The following PTPRR variants were observed in gnomAD, a reference collection of about 807,000 sequenced individuals.
PTPRR encodes the protein protein tyrosine phosphatase receptor type R.
Under a neutral mutation model 77.2 loss-of-function variants are expected in PTPRR, and 38 were observed. The observed-to-expected ratio is 0.49, with a 90% CI of 0.38 to 0.65. PTPRR has a LOEUF of 0.65. Among genes scored for constraint, PTPRR ranks in the 30% least tolerant of loss-of-function variants. PTPRR has a pLI of 0.00. For missense variants in PTPRR, 744 were observed against 799.2 expected (o/e 0.93, Z 0.83); for synonymous variants, 299 against 283.1 (o/e 1.06, Z -0.57).
chr12:70,678,191 C>A (rs1297060774), intron 10 of PTPRR, among the ~76,000 whole-genome samples: 1 of 152,164 alleles, frequency 6.6e-6, no homozygotes, highest in African/African-American at 2.4e-5. Context: ...TAGGCACGCA[C>A]CACCAAGCCC....
At chr12:70,712,404 G>T (rs1382694671) in intron 6 of PTPRR, among the ~76,000 whole-genome samples, 1 of 151,278 alleles carries the variant, frequency 6.6e-6, no homozygotes, top group Admixed American at 6.6e-5. Flanking sequence ...TAAGTAACTG[G>T]GATTTGTTGA....
At chr12:70,643,065 G>T (rs1049031918) in intron 13 of PTPRR, among the ~76,000 whole-genome samples, 4 of 152,188 alleles carry the variant, frequency 2.6e-5, no homozygotes, top group Non-Finnish European at 5.9e-5. Flanking sequence ...AACTACACAG[G>T]AGGTTGAGGC....
intron 2 of PTPRR, among the ~76,000 whole-genome samples, chr12:70,883,488 C>T (rs994524680): frequency 5.9e-5 from 9 of 152,126 alleles, no homozygotes; most frequent in Non-Finnish European, 1.0e-4. Context: ...AGGACCTTGG[C>T]TTATTTTGAT....
At chr12:70,906,459 G>C (rs756109895) in intron 1 of PTPRR, among the ~76,000 whole-genome samples, 52 of 152,000 alleles carry the variant, frequency 3.4e-4, no homozygotes, top group Admixed American at 3.3e-3. Context: ...CTATTATTTA[G>C]TTGTTCTATC....
intron 6 of PTPRR, among the ~76,000 whole-genome samples, chr12:70,713,396 C>T (rs1458964608): frequency 6.6e-6 from 1 of 152,066 alleles, no homozygotes; most frequent in Non-Finnish European, 1.5e-5. Flanking sequence ...GTTTTCATTT[C>T]TTTTGGGTAT....
At position 70,762,810 on chromosome 12, in the gene PTPRR, A is replaced by G. The variant is rs74830053; in HGVS notation, c.472-1184T>C. Among the ~76,000 whole-genome samples, 917 of 152,322 alleles carry G rather than the reference A, an allele frequency of 6.0e-3. 12 individuals are homozygous for G. Among genetic ancestry groups the G allele is most frequent in the African/African-American group, 0.021 (867 of 41,586 alleles). On this transcript the variant is annotated intron_variant, in intron 3 of 13. Transcript: ENST00000283228. ...TGAAGTATGGTTTTGTCTGTCTCCA[A>G]AACACATGATGCTAATCAACATGCT... is the stretch of plus-strand genomic sequence containing the variant.
At chr12:70,762,141 G>A (rs11833635) in intron 3 of PTPRR, among the ~76,000 whole-genome samples, 33,360 of 151,996 alleles carry the variant, frequency 0.22, 3,863 homozygotes, top group African/African-American at 0.29. Context: ...TGTTCTTCAC[G>A]TCAAATATGT....
At chr12:70,784,709 A>C (rs988244046) in intron 2 of PTPRR, among the ~76,000 whole-genome samples, 3 of 152,256 alleles carry the variant, frequency 2.0e-5, no homozygotes, top group Admixed American at 2.0e-4. Flanking sequence ...AGGCTTAAAG[A>C]TACGTGTTTA....
chr12:70,762,466 G>C (rs755773562), intron 3 of PTPRR, among the ~76,000 whole-genome samples: 6 of 152,120 alleles, frequency 3.9e-5, no homozygotes, highest in Non-Finnish European at 7.4e-5. Context: ...CAGAATTTTA[G>C]CTGGTATAAA....
chr12:70,640,313 C>T (rs1885950044), intron 13 of PTPRR, among the ~76,000 whole-genome samples: 1 of 151,982 alleles, frequency 6.6e-6, no homozygotes, highest in South Asian at 2.1e-4. Flanking sequence ...GCTGGGACCA[C>T]AGGCACCACC....
chr12:70,746,069 T>C lies in PTPRR; in HGVS notation c.756A>G (p.Lys252=). ...VTCLMILYRL[K]ERFQLSLRQD... The stretch of plus-strand genomic sequence containing the variant: ...GTCTTAAGGAAAGCTGAAATCTTTC[T>C]TTTAATCTGTAAAGAATCTATAGAA... Residue 252 remains lysine, a synonymous_variant, in exon 6 of 14, where the codon AAA becomes AAG. Transcript: ENST00000283228. The C allele has an allele frequency of 6.2e-7, 1 of 1,612,036 alleles. No homozygotes were observed. The highest frequency in any genetic ancestry group is 8.5e-7 in the Non-Finnish European group (1 of 1,178,494).
chr12:70,684,131 T>C lies in PTPRR; in HGVS notation c.1493A>G (p.Asn498Ser). Reference sequence around the variant, plus strand: ...GAACTTGATTAAAGATCATACCTCATTTTTTTCTTTGAGTTTTGTGATCAT... The same window carrying C: ...GAACTTGATTAAAGATCATACCTCACTTTTTTCTTTGAGTTTTGTGATCAT... ...IVMITKLKEK[N>S]EKCVLYWPEK... is the part of the protein sequence containing the mutation. Residue 498 changes from asparagine to serine, a missense_variant, in exon 10 of 14, where the codon AAT (asparagine) becomes AGT (serine). Around this residue, in one of 3 missense-constraint regions of PTPRR, gnomAD observed 170 missense variants for 209.8 expected, o/e 0.81. Coordinates refer to ENST00000283228, the MANE Select transcript of PTPRR (RefSeq NM_002849.4). The C allele has an allele frequency of 6.2e-7, 1 of 1,613,560 alleles. No homozygotes were observed. The highest frequency in any genetic ancestry group is 1.1e-5 in the South Asian group (1 of 91,012).
At chr12:70,838,778 T>C (rs1326459996) in intron 2 of PTPRR, among the ~76,000 whole-genome samples, 2 of 152,080 alleles carry the variant, frequency 1.3e-5, no homozygotes, top group Non-Finnish European at 2.9e-5. Context: ...TTAGGAAAAT[T>C]GTAGCAGAAG....
chr12:70,729,943 TTTCATAATGTCATTTGATA>T (rs1196682963), intron 6 of PTPRR, among the ~76,000 whole-genome samples: 1 of 20,010 alleles, frequency 5.0e-5, no homozygotes, highest in Non-Finnish European at 2.6e-4. Flanking sequence ...ATTTGATATT[TTTCATAATGTCATTTGATA>T]TTTTTATCCT....
chr12:70,699,067 G>A (rs1333733584), intron 7 of PTPRR, among the ~76,000 whole-genome samples: 1 of 152,140 alleles, frequency 6.6e-6, no homozygotes, highest in African/African-American at 2.4e-5. Context: ...CTAAAAAGGT[G>A]TGTATCTGTA....
chr12:70,694,473 TA>T (rs1162799022), intron 8 of PTPRR, among the ~76,000 whole-genome samples: 1 of 152,088 alleles, frequency 6.6e-6, no homozygotes, highest in Non-Finnish European at 1.5e-5. Flanking sequence ...CATGAAGTCA[TA>T]AAAAAGAACA....
chr12:70,638,261 C>T lies in PTPRR; in HGVS notation c.*923G>A, dbSNP rs755276383. The T allele has an allele frequency of 6.6e-6, 1 of 152,292 alleles. No homozygotes were observed. The highest frequency in any genetic ancestry group is 1.5e-5 in the Non-Finnish European group (1 of 67,968). 9.4% of individuals were successfully genotyped at this position (152,292 alleles called of 1,614,324 possible). A position where few individuals can be genotyped will look rare whatever the true frequency, so the allele number is the denominator to read the frequency against. ...ATGGAAATGTCCTTATAAGGAGCCT[C>T]GAAAATGGGACAGATTATATCATTC... On this transcript the variant is annotated 3_prime_UTR_variant, in exon 14 of 14. Transcript: ENST00000283228.
intron 1 of PTPRR, 81 bp from the exon 2 acceptor site, chr12:70,893,058 C>G: frequency 7.0e-7 from 1 of 1,437,878 alleles, no homozygotes; most frequent in East Asian, 2.3e-5. Flanking sequence ...AGAGGATTAC[C>G]CTTTCTTGAG....
chr12:70,880,214 T>C (rs1005556810), intron 2 of PTPRR, among the ~76,000 whole-genome samples: 2 of 152,186 alleles, frequency 1.3e-5, no homozygotes, highest in African/African-American at 4.8e-5. Flanking sequence ...CCTTATGTCA[T>C]TCAATTCCCA....
Sources: gnomAD v4.1 joint callset for allele counts (sites outside exome capture counted in the v4.1 genomes callset) on GRCh38, gnomAD v4.1.1 for gene constraint, gnomAD v4.1.1 regional missense constraint, MANE v1.5 for transcripts, NCBI Gene and HGNC (gene_info 2026-07-23, HGNC 2026-07-21) for gene names.